The following KIF1A variants were observed in gnomAD, a reference collection of about 807,000 sequenced individuals.
KIF1A encodes the protein kinesin-like protein KIF1A.
A neutral mutation model predicts 227.3 loss-of-function variants in KIF1A; 46 were observed. The ratio of observed to expected loss-of-function variants is 0.20; its 90% CI spans 0.16 to 0.26. The LOEUF (loss-of-function observed/expected upper bound fraction) is 0.26. Among genes scored for constraint, KIF1A ranks in the 10% least tolerant of loss-of-function variants. The probability of loss-of-function intolerance (pLI) is 1.00; values close to 1 mark genes in which losing one functional copy is unlikely to be tolerated. For synonymous variants in KIF1A, 1,022 were observed against 1,012.8 expected (o/e 1.01, Z -0.17); for missense variants, 1,683 against 2,485.9 (o/e 0.68, Z 6.87).
chr2:240,782,569 G>A (rs1215251847), intron 10 of KIF1A, 21 bp downstream of exon 10: 3 of 1,551,678 alleles, frequency 1.9e-6, no homozygotes, highest in Admixed American at 3.9e-5. Flanking sequence ...ACCTGCCCCG[G>A]GGCTGAAGGA....
Position 240,759,614 on chromosome 2 carries a change from G to T in KIF1A, c.2444+1051C>A, listed in dbSNP as rs917405856. ...GGTGCCTCCCCCTGTAGCCCTGCAG[G>T]GTGGGGCGTGCCATGCTCTGCTTCC... On this transcript the variant is annotated intron_variant, in intron 25 of 48. Coordinates refer to ENST00000498729, the MANE Select transcript of KIF1A (RefSeq NM_001244008.2). Among the ~76,000 whole-genome samples, 2 of 148,532 alleles carry T rather than the reference G, an allele frequency of 1.3e-5. 1 individual carries two copies. Among genetic ancestry groups the T allele is most frequent in the Non-Finnish European group, 3.0e-5 (2 of 67,144 alleles).
chr2:240,808,613 G>A lies in KIF1A; in HGVS notation c.-60-10801C>T, dbSNP rs373763669. On this transcript the variant is annotated intron_variant, in intron 1 of 48. Transcript: ENST00000498729. ...CTTGAGCTCAGGAGTTCGAGGCTGCGGTGAGCTAATGATCACACCACTGCA... is the reference window on the plus strand; with the variant it reads ...CTTGAGCTCAGGAGTTCGAGGCTGCAGTGAGCTAATGATCACACCACTGCA... Among the ~76,000 whole-genome samples the A allele has an allele frequency of 7.2e-5, 11 of 151,960 alleles. No individual in the cohort carries two copies. In the East Asian group the frequency reaches 1.2e-3, roughly 16 times the overall value.
chr2:240,809,251 A>T (rs1035059358), intron 1 of KIF1A, among the ~76,000 whole-genome samples: 2 of 152,258 alleles, frequency 1.3e-5, no homozygotes, highest in African/African-American at 2.4e-5. Context: ...TATATGGTAG[A>T]GTAAGATGTT....
rs2044488148 is a variant in KIF1A, at chr2:240,715,084, C to A, written c.*2280G>T. 6.6e-6 allele frequency: 1 copy of A among 152,364 alleles called. No individual in the cohort carries two copies. The highest frequency in any genetic ancestry group is 6.5e-5 in the Admixed American group (1 of 15,288). 9.4% of individuals were successfully genotyped at this position (152,364 alleles called of 1,614,324 possible). A position where few individuals can be genotyped will look rare whatever the true frequency, so the allele number is the denominator to read the frequency against. ...GAGTTGGCCGTGGCAGGGCCTGTGC[C>A]TCCTCTAGCCTGCCTGGGGCCCGTG... On this transcript the variant is annotated 3_prime_UTR_variant, in exon 49 of 49. Coordinates refer to ENST00000498729, the MANE Select transcript of KIF1A (RefSeq NM_001244008.2).
rs2049933579 is a variant in KIF1A at position 240,757,104 on chromosome 2, A to G, written c.2858+215T>C. On this transcript the variant is annotated intron_variant, in intron 27 of 48. Coordinates refer to ENST00000498729, the MANE Select transcript of KIF1A (RefSeq NM_001244008.2). This position sits in a 1 kb window ranked among gnomAD's most constrained non-coding sequence, Gnocchi z 6.2. ...ACCCAGACTCTTCCCTGCCGGCCCAAAGCGACCGTCTCCAGGATGGGTGAG... is the reference window on the plus strand; with the variant it reads ...ACCCAGACTCTTCCCTGCCGGCCCAGAGCGACCGTCTCCAGGATGGGTGAG... Among the ~76,000 whole-genome samples, 1 of 152,174 alleles carries G rather than the reference A, an allele frequency of 6.6e-6. No individual in the cohort carries two copies. Among genetic ancestry groups the G allele is most frequent in the Admixed American group, 6.5e-5 (1 of 15,288 alleles).
chr2:240,784,422 C>T (rs1367855037), intron 7 of KIF1A, among the ~76,000 whole-genome samples: 1 of 152,226 alleles, frequency 6.6e-6, no homozygotes, highest in African/African-American at 2.4e-5. Context: ...CCGCGCCGAC[C>T]TCGTCCAGCT....
Position 240,766,749 on chromosome 2 carries a change from T to TCTCTCTCTCACACA in KIF1A, c.1684+165_1684+166insTGTGTGAGAGAGAG, listed in dbSNP as rs1454271542. The stretch of plus-strand genomic sequence containing the variant: ...CTCTCTCTCTCTCTCTCTCTCTCTC[T>TCTCTCTCTCACACA]CACACACACACACACACACACACAC... On this transcript the variant is annotated intron_variant, in intron 19 of 48. Coordinates refer to ENST00000498729, the MANE Select transcript of KIF1A (RefSeq NM_001244008.2). This position sits in a 1 kb window ranked among gnomAD's most constrained non-coding sequence, Gnocchi z 5.0. Among the ~76,000 whole-genome samples the TCTCTCTCTCACACA allele has an allele frequency of 6.3e-4, 69 of 109,018 alleles. No individual in the cohort carries two copies. Among genetic ancestry groups the TCTCTCTCTCACACA allele is most frequent in the Middle Eastern group, 5.6e-3 (1 of 178 alleles). 71.5% of individuals were successfully genotyped at this position (109,018 alleles called of 152,430 possible). A position where few individuals can be genotyped will look rare whatever the true frequency, so the allele number is the denominator to read the frequency against.
intron 1 of KIF1A, among the ~76,000 whole-genome samples, chr2:240,808,557 A>T (rs957029248): frequency 1.3e-5 from 2 of 151,898 alleles, no homozygotes; most frequent in African/African-American, 4.8e-5. Flanking sequence ...CTGTAGTACC[A>T]GCTCCTTGGG....
At chr2:240,797,838 A>G (rs1029409866) in intron 1 of KIF1A, 26 bp from the exon 2 acceptor site, 6 of 805,470 alleles carry the variant, frequency 7.4e-6, no homozygotes, top group Admixed American at 4.5e-5. Flanking sequence ...AACATGAATT[A>G]GAAACAATAT....
At position 240,792,502 on chromosome 2, in the gene KIF1A, C is replaced by T. The variant is rs937838349; in HGVS notation, c.107-3190G>A. Among the ~76,000 whole-genome samples the T allele has an allele frequency of 4.6e-5, 7 of 151,770 alleles. No individual in the cohort carries two copies. The highest frequency in any genetic ancestry group is 2.1e-4 in the South Asian group (1 of 4,794). On this transcript the variant is annotated intron_variant, in intron 2 of 48. Transcript: ENST00000498729. The surrounding 1 kb of genome is among the most constrained non-coding windows in gnomAD (Gnocchi z 4.5). ...CATGGGCCTGCAAAGGACTGGACAC[C>T]GAGACGACAGAGACAGCGGGGGGAG...
intron 34 of KIF1A, 135 bp downstream of exon 34, chr2:240,742,794 A>AG (rs1428436624): frequency 1.3e-6 from 1 of 762,860 alleles, no homozygotes; most frequent in Non-Finnish European, 2.2e-6. Context: ...TGACAGGCTC[A>AG]GGGTGGCGCC....
chr2:240,760,712 C>T lies in KIF1A; in HGVS notation c.2397G>A (p.Gln799=), dbSNP rs2050402788. The change falls in exon 25 of 49, where the codon CAG becomes CAA. Residue 799 remains glutamine, a synonymous_variant. Transcript: ENST00000498729. ...FPRTIVAVEV[Q]DQKNGATHYW... is the part of the protein sequence containing the mutation. The stretch of plus-strand genomic sequence containing the variant: ...AGTGGGTGGCCCCGTTCTTCTGGTC[C>T]TGGACCTCCACGGCCACAATGGTGC... The T allele has an allele frequency of 1.9e-6, 3 of 1,585,514 alleles. No individual in the cohort carries two copies. The highest frequency in any genetic ancestry group is 1.8e-5 in the Admixed American group (1 of 56,564).
At position 240,789,839 on chromosome 2, in the gene KIF1A, G is replaced by C. The variant is rs1194060347; in HGVS notation, c.107-527C>G. ...CTCTATGGGACTGTCTTCTGCCAGA[G>C]TCCCTCCTCCCCCTCCCTCCTCCAC... On this transcript the variant is annotated intron_variant, in intron 2 of 48. Transcript: ENST00000498729. This position sits in a 1 kb window ranked among gnomAD's most constrained non-coding sequence, Gnocchi z 4.8. Among the ~76,000 whole-genome samples, 2 of 152,086 alleles carry C rather than the reference G, an allele frequency of 1.3e-5. No individual in the cohort carries two copies. The highest frequency in any genetic ancestry group is 4.8e-5 in the African/African-American group (2 of 41,432).
At chr2:240,819,131 G>A (rs550443248) in intron 1 of KIF1A, among the ~76,000 whole-genome samples, 227 of 152,260 alleles carry the variant, frequency 1.5e-3, no homozygotes, top group Middle Eastern at 3.4e-3. Context: ...CGCTCCTGCG[G>A]ACCCTCCCTC....
intron 32 of KIF1A, among the ~76,000 whole-genome samples, 177 bp downstream of exon 32, chr2:240,745,250 A>G (rs960968929): frequency 4.7e-4 from 71 of 152,022 alleles, no homozygotes; most frequent in African/African-American, 1.7e-3. Flanking sequence ...AAATCCATCA[A>G]GGGTCTCCCA....
intron 38 of KIF1A, 39 bp downstream of exon 38, chr2:240,737,024 C>T (rs1438697585): frequency 2.6e-6 from 4 of 1,525,300 alleles, no homozygotes; most frequent in East Asian, 2.3e-5. Flanking sequence ...AGGCTGGGAA[C>T]ATGCCCTGGG....
chr2:240,722,618 C>T lies in KIF1A; in HGVS notation c.4503G>A (p.Lys1501=). 1 of 1,563,032 alleles carries T rather than the reference C, an allele frequency of 6.4e-7. No homozygotes were observed. The highest frequency in any genetic ancestry group is 8.7e-7 in the Non-Finnish European group (1 of 1,153,188). The change falls in exon 43 of 49, where the codon AAG becomes AAA. Residue 1501 remains lysine (K), a synonymous_variant. Coordinates refer to ENST00000498729, the MANE Select transcript of KIF1A (RefSeq NM_001244008.2). ...KTRHYLLLRE[K]LETAQRPVPE... ...GGACAGGCCGCTGGGCGGTCTCCAG[C>T]TTCTCCCGCAGGAGCAGGTAGTGCC...
chr2:240,767,459 C>T (rs568386852), intron 17 of KIF1A, 114 bp from the exon 18 acceptor site: 10 of 828,900 alleles, frequency 1.2e-5, no homozygotes, highest in Non-Finnish European at 1.6e-5. Context: ...TCCCTGCCCC[C>T]GCACTTGGCT....
chr2:240,783,398 A>C (rs2054322517), intron 8 of KIF1A, among the ~76,000 whole-genome samples: 2 of 152,206 alleles, frequency 1.3e-5, no homozygotes, highest in Non-Finnish European at 2.9e-5. Context: ...TGCTGAGGCC[A>C]GCAGGGGTCG....
Sources: allele counts gnomAD v4.1 joint callset (sites outside exome capture counted in the v4.1 genomes callset), GRCh38; gene constraint gnomAD v4.1.1; non-coding constraint Gnocchi (gnomAD v3.1); transcripts MANE v1.5; gene names NCBI Gene and HGNC (gene_info 2026-07-23, HGNC 2026-07-21).